The following CSMD1 variants were observed in gnomAD, a reference collection of about 807,000 sequenced individuals.
CSMD1 encodes the protein CUB and Sushi multiple domains 1.
In CSMD1, 213 loss-of-function variants were observed where a neutral mutation model predicts 417.5. The ratio of observed to expected loss-of-function variants is 0.51; its 90% CI spans 0.46 to 0.57. The LOEUF (loss-of-function observed/expected upper bound fraction) is 0.57. CSMD1 is among the 20% of genes least tolerant of loss of function. The probability of loss-of-function intolerance (pLI) is 0.00; values close to 1 mark genes in which losing one functional copy is unlikely to be tolerated. For synonymous variants in CSMD1, 2,862 were observed against 1,736.8 expected (o/e 1.65, Z -16.11); for missense variants, 6,923 against 4,529.7 (o/e 1.53, Z -15.17).
chr8:4,681,152 G>T (rs1806026973), intron 1 of CSMD1, among the ~76,000 whole-genome samples: 1 of 152,088 alleles, frequency 6.6e-6, no homozygotes, highest in South Asian at 2.1e-4. Flanking sequence ...GGCATGAATG[G>T]CCAACAATAC....
At chr8:4,940,491 T>C (rs909592166) in intron 1 of CSMD1, among the ~76,000 whole-genome samples, 2 of 152,240 alleles carry the variant, frequency 1.3e-5, no homozygotes, top group Non-Finnish European at 1.5e-5. Flanking sequence ...GTCCCCACTT[T>C]GTTTGCTAAC....
chr8:3,149,077 T>C (rs1342702907), intron 40 of CSMD1, among the ~76,000 whole-genome samples: 4 of 152,222 alleles, frequency 2.6e-5, no homozygotes, highest in Non-Finnish European at 4.4e-5. Flanking sequence ...TCATAAGTTA[T>C]TTTTCATTTC....
chr8:4,435,142 A>T (rs1262678148), intron 2 of CSMD1, among the ~76,000 whole-genome samples: 1 of 152,216 alleles, frequency 6.6e-6, no homozygotes, highest in Non-Finnish European at 1.5e-5. Flanking sequence ...AAGTATCAGT[A>T]ATATATTATT....
intron 3 of CSMD1, among the ~76,000 whole-genome samples, chr8:4,168,868 C>T (rs1023926414): frequency 1.2e-4 from 19 of 152,092 alleles, no homozygotes; most frequent in African/African-American, 2.2e-4. Context: ...GCTTTAGACA[C>T]GGTGACTGAT....
At chr8:4,466,912 G>C (rs576163722) in intron 2 of CSMD1, among the ~76,000 whole-genome samples, 1 of 151,896 alleles carries the variant, frequency 6.6e-6, no homozygotes, top group Non-Finnish European at 1.5e-5. Context: ...TTTACAGTGT[G>C]TTTTTACAGC....
At chr8:4,169,457 C>A (rs3849831) in intron 3 of CSMD1, among the ~76,000 whole-genome samples, 64,860 of 151,894 alleles carry the variant, frequency 0.43, 14,547 homozygotes, top group East Asian at 0.6. Flanking sequence ...TTTTCTTCAA[C>A]ATATCCCAAA....
At chr8:4,226,275 G>C (rs921246523) in intron 3 of CSMD1, among the ~76,000 whole-genome samples, 1 of 152,032 alleles carries the variant, frequency 6.6e-6, no homozygotes, top group Non-Finnish European at 1.5e-5. Context: ...AAAAGTATTT[G>C]GGTATTTGGA....
intron 51 of CSMD1, among the ~76,000 whole-genome samples, chr8:3,021,705 C>A (rs533049997): frequency 8.6e-6 from 1 of 116,828 alleles, no homozygotes; most frequent in South Asian, 2.8e-4. Context: ...AATCCCACAG[C>A]ATCTGGAATG....
At chr8:3,275,409 G>T (rs953482476) in intron 26 of CSMD1, among the ~76,000 whole-genome samples, 1 of 152,010 alleles carries the variant, frequency 6.6e-6, no homozygotes, top group African/African-American at 2.4e-5. Context: ...TATGTGTCTT[G>T]GTGTTGCTCT....
At chr8:3,875,191 G>A (rs1231015277) in intron 5 of CSMD1, among the ~76,000 whole-genome samples, 1 of 152,144 alleles carries the variant, frequency 6.6e-6, no homozygotes, top group Non-Finnish European at 1.5e-5. Context: ...TGGGGAAGGA[G>A]TGGAACAGTG....
chr8:4,053,679 G>A (rs1798548880), intron 3 of CSMD1, among the ~76,000 whole-genome samples: 1 of 151,914 alleles, frequency 6.6e-6, no homozygotes, highest in Admixed American at 6.6e-5. Context: ...AAAAATAGCA[G>A]GTTAAAATCA....
chr8:3,695,527 TA>T (rs1800502978), intron 7 of CSMD1, among the ~76,000 whole-genome samples: 1 of 152,140 alleles, frequency 6.6e-6, no homozygotes, highest in Admixed American at 6.5e-5. Flanking sequence ...AAGAGAACAA[TA>T]ATATAATATT....
Position 2,936,754 on chromosome 8 carries a change from C to T in CSMD1, c.*1831G>A, listed in dbSNP as rs924985354. On this transcript the variant is annotated 3_prime_UTR_variant, in exon 70 of 70. Coordinates refer to ENST00000635120, the MANE Select transcript of CSMD1 (RefSeq NM_033225.6). ...GGGAGCCGAGCTCTACGGAAATGTC[C>T]GAATCAAAACGCGTGACTCTCCAAA... 6.6e-6 allele frequency: 1 copy of T among 152,196 alleles called. No individual in the cohort carries two copies. The highest frequency in any genetic ancestry group is 2.4e-5 in the African/African-American group (1 of 41,438). The allele number at this position is 152,196 out of a possible 1,614,324, so 9.4% of individuals were successfully genotyped here.
chr8:4,712,054 A>G (rs1414465309), intron 1 of CSMD1, among the ~76,000 whole-genome samples: 1 of 152,206 alleles, frequency 6.6e-6, no homozygotes, highest in Non-Finnish European at 1.5e-5. Flanking sequence ...GAGAAATCCC[A>G]TAAAATGCAT....
At chr8:4,464,636 A>C (rs796902685) in intron 2 of CSMD1, among the ~76,000 whole-genome samples, 6 of 152,254 alleles carry the variant, frequency 3.9e-5, no homozygotes, top group African/African-American at 1.4e-4. Flanking sequence ...AAGAGTCCCA[A>C]GTTGAACCAT....
intron 3 of CSMD1, among the ~76,000 whole-genome samples, chr8:4,397,453 T>TA (rs945422088): frequency 2.7e-5 from 4 of 149,184 alleles, no homozygotes; most frequent in African/African-American, 1.0e-4. Flanking sequence ...CTTCGGGAGA[T>TA]ACGTGATCTG....
intron 8 of CSMD1, among the ~76,000 whole-genome samples, chr8:3,614,477 T>C (rs918589194): frequency 4.6e-5 from 7 of 152,166 alleles, no homozygotes; most frequent in African/African-American, 1.7e-4. Context: ...TAGGATATGA[T>C]TAAAACTTCC....
intron 3 of CSMD1, among the ~76,000 whole-genome samples, chr8:4,362,533 G>C (rs755205294): frequency 2.0e-5 from 3 of 152,168 alleles, no homozygotes; most frequent in Admixed American, 6.5e-5. Context: ...GATAGAACAG[G>C]ATCTTTAATT....
intron 26 of CSMD1, among the ~76,000 whole-genome samples, chr8:3,237,330 G>C (rs926366679): frequency 6.6e-6 from 1 of 151,722 alleles, no homozygotes; most frequent in African/African-American, 2.4e-5. Context: ...AGCTGGTCAT[G>C]GTGGTGTGTG....
Sources: allele counts gnomAD v4.1 joint callset (sites outside exome capture counted in the v4.1 genomes callset), GRCh38; gene constraint gnomAD v4.1.1; transcripts MANE v1.5; gene names NCBI Gene and HGNC (gene_info 2026-07-23, HGNC 2026-07-21).